The following KCNA2 variants were observed in gnomAD, a reference collection of about 807,000 sequenced individuals.
KCNA2 encodes the protein potassium channel, voltage gated shaker related subfamily A, member 2.
Under a neutral mutation model 33.4 loss-of-function variants are expected in KCNA2, and 11 were observed. The observed-to-expected ratio is 0.33, with a 90% CI of 0.21 to 0.55. KCNA2 has a LOEUF of 0.55. Among genes scored for constraint, KCNA2 ranks in the 20% least tolerant of loss-of-function variants. The pLI, the probability that KCNA2 is intolerant of heterozygous loss-of-function variation, is 0.93. For missense variants in KCNA2, 291 were observed against 621.6 expected (o/e 0.47, Z 5.66); for synonymous variants, 222 against 231.3 (o/e 0.96, Z 0.37).
intron 1 of KCNA2, 68 bp downstream of exon 1, chr1:110,606,160 C>T (rs560752678): frequency 1.3e-5 from 2 of 153,680 alleles, no homozygotes; most frequent in South Asian, 4.2e-4. Context: ...ACACACACTC[C>T]TTCAGAGCGC....
chr1:110,629,879 A>G (rs1198459507), intron 1 of KCNA2, among the ~76,000 whole-genome samples: 1 of 152,248 alleles, frequency 6.6e-6, no homozygotes, highest in East Asian at 1.9e-4. Context: ...CTGAAGAATA[A>G]AAGAAAGAAA....
Position 110,602,494 on chromosome 1 carries a change from A to G in KCNA2, c.*789T>C. 1 of 1,158,910 alleles carries G rather than the reference A, an allele frequency of 8.6e-7. No individual in the cohort carries two copies. Among genetic ancestry groups the G allele is most frequent in the Non-Finnish European group, 1.1e-6 (1 of 939,254 alleles). 71.8% of individuals were successfully genotyped at this position (1,158,910 alleles called of 1,614,324 possible). ...GGGAAAGCAGATGTCTGCAAACTCC[A>G]GTAAGAAACCAGACATGTTTTTGTG... On this transcript the variant is annotated 3_prime_UTR_variant, in exon 3 of 3. Coordinates refer to ENST00000316361, the MANE Select transcript of KCNA2 (RefSeq NM_004974.4).
chr1:110,603,124 G>T lies in KCNA2; in HGVS notation c.*159C>A, dbSNP rs1649429964. The T allele has an allele frequency of 2.1e-6, 3 of 1,436,434 alleles. No homozygotes were observed. The highest frequency in any genetic ancestry group is 2.7e-6 in the Non-Finnish European group (3 of 1,100,270). 89.0% of individuals were successfully genotyped at this position (1,436,434 alleles called of 1,614,324 possible). Reference sequence around the variant, plus strand: ...ATGAAAGCCATGATAGATATTCTGTGTTCTAAATCAAAAGTCAAAAGATCA... The same window carrying T: ...ATGAAAGCCATGATAGATATTCTGTTTTCTAAATCAAAAGTCAAAAGATCA... On this transcript the variant is annotated 3_prime_UTR_variant, in exon 3 of 3. Coordinates refer to ENST00000316361, the MANE Select transcript of KCNA2 (RefSeq NM_004974.4). This position sits in a 1 kb window ranked among gnomAD's most constrained non-coding sequence, Gnocchi z 5.7.
At chr1:110,624,395 TATC>T (rs1650339681) in intron 1 of KCNA2, among the ~76,000 whole-genome samples, 1 of 152,210 alleles carries the variant, frequency 6.6e-6, no homozygotes, top group Non-Finnish European at 1.5e-5. Flanking sequence ...AAGAAACACA[TATC>T]ATATGACTCC....
chr1:110,609,314 A>G (rs1002980749), upstream of KCNA2, among the ~76,000 whole-genome samples: 8 of 152,166 alleles, frequency 5.3e-5, no homozygotes, highest in Non-Finnish European at 1.2e-4. Context: ...AGGAAAATCA[A>G]TCGTCATAAT....
chr1:110,611,605 A>T (rs963611507), intron 1 of KCNA2, among the ~76,000 whole-genome samples: 2 of 152,010 alleles, frequency 1.3e-5, no homozygotes, highest in Non-Finnish European at 2.9e-5. Context: ...ATGTCCCTGT[A>T]GTTCCAGCTA....
At chr1:110,613,690 T>C (rs1260682150) in intron 1 of KCNA2, among the ~76,000 whole-genome samples, 1 of 152,196 alleles carries the variant, frequency 6.6e-6, no homozygotes, top group Admixed American at 6.5e-5. Context: ...TATCAGAGGA[T>C]AGCAGGGCAG....
chr1:110,625,195 CATTAT>C (rs2101467201), intron 1 of KCNA2, among the ~76,000 whole-genome samples: 1 of 152,304 alleles, frequency 6.6e-6, no homozygotes, highest in South Asian at 2.1e-4. Context: ...AGTGTAAATA[CATTAT>C]TTGTAATGGG....
At chr1:110,627,468 G>T (rs1192693949) in intron 1 of KCNA2, among the ~76,000 whole-genome samples, 1 of 152,116 alleles carries the variant, frequency 6.6e-6, no homozygotes, top group Non-Finnish European at 1.5e-5. Flanking sequence ...TGTTTATACG[G>T]ACAACATCAT....
At chr1:110,609,937 G>A (rs1294641428), upstream of KCNA2, among the ~76,000 whole-genome samples, 1 of 152,212 alleles carries the variant, frequency 6.6e-6, no homozygotes, top group African/African-American at 2.4e-5. Context: ...TCGAATGGGA[G>A]AGCAAAGCTA....
At position 110,603,372 on chromosome 1, in the gene KCNA2, C is replaced by T. The variant is rs1454440407; in HGVS notation, c.1411G>A (p.Asp471Asn). The change falls in exon 3 of 3, where the codon GAC becomes AAC. Residue 471 changes from aspartate (D) to asparagine (N), a missense_variant. Coordinates refer to ENST00000316361, the MANE Select transcript of KCNA2 (RefSeq NM_004974.4). The surrounding 1 kb of genome is among the most constrained non-coding windows in gnomAD (Gnocchi z 5.7). The part of the protein sequence containing the change: ...IQEGVNNSNE[D>N]FREENLKTAN... ...GTTTTCAAGTTTTCCTCTCTAAAGT[C>T]CTCATTACTGTTATTTACACCCTCC... is the stretch of plus-strand genomic sequence containing the variant. 2 of 1,614,148 alleles carry T rather than the reference C, an allele frequency of 1.2e-6. No individual in the cohort carries two copies. Among genetic ancestry groups the T allele is most frequent in the South Asian group, 2.2e-5 (2 of 91,080 alleles).
At position 110,601,786 on chromosome 1, in the gene KCNA2, A is replaced by G. The variant is rs1367774627; in HGVS notation, c.*1497T>C. ...TGAACTCCAGAAAATGAATATATAT[A>G]TATATATATGTGTGTGTGTGTGTGT... On this transcript the variant is annotated 3_prime_UTR_variant, in exon 3 of 3. Transcript: ENST00000316361. 6.0e-6 allele frequency: 7 copies of G among 1,160,742 alleles called. No homozygotes were observed. In the East Asian group the frequency reaches 1.2e-4, roughly 20 times the overall value. The allele number at this position is 1,160,742 out of a possible 1,614,324, so 71.9% of individuals were successfully genotyped here. A position where few individuals can be genotyped will look rare whatever the true frequency, so the allele number is the denominator to read the frequency against.
intron 1 of KCNA2, among the ~76,000 whole-genome samples, chr1:110,621,340 C>T (rs1271387729): frequency 6.6e-6 from 1 of 152,100 alleles, no homozygotes; most frequent in Non-Finnish European, 1.5e-5. Flanking sequence ...TAAAAAGCAA[C>T]AACAAGGGGT....
At position 110,596,618 on chromosome 1, in the gene KCNA2, T is replaced by A. The variant is rs1649109450; in HGVS notation, c.*6665A>T. ...GCATTGAGGTTTACAATGTTGACCC[T>A]GAGCAAGGCAAGGTCCCTGTTATCT... On this transcript the variant is annotated 3_prime_UTR_variant, in exon 3 of 3. Coordinates refer to ENST00000316361, the MANE Select transcript of KCNA2 (RefSeq NM_004974.4). 4.0e-6 allele frequency: 2 copies of A among 495,380 alleles called. No homozygotes were observed. Among genetic ancestry groups the A allele is most frequent in the Non-Finnish European group, 5.2e-6 (2 of 382,564 alleles). The allele number at this position is 495,380 out of a possible 1,614,324, so 30.7% of individuals were successfully genotyped here. A position where few individuals can be genotyped will look rare whatever the true frequency, so the allele number is the denominator to read the frequency against.
In KCNA2 at chr1:110,595,489, C is replaced by A. The variant is rs1178598453; in HGVS notation, c.*7794G>T. 23 of 985,348 alleles carry A rather than the reference C, an allele frequency of 2.3e-5. No homozygotes were observed. Among genetic ancestry groups the A allele is most frequent in the South Asian group, 4.7e-5 (1 of 21,288 alleles). The allele number at this position is 985,348 out of a possible 1,614,324, so 61.0% of individuals were successfully genotyped here. ...TGTGGGGAGATGGCAGACACCCCTG[C>A]ACCACTTCAATTGCTCCAGATACAG... On this transcript the variant is annotated 3_prime_UTR_variant, in exon 3 of 3. Transcript: ENST00000316361.
intron 1 of KCNA2, among the ~76,000 whole-genome samples, chr1:110,624,548 A>G (rs751411733): frequency 6.6e-6 from 1 of 152,234 alleles, no homozygotes; most frequent in Non-Finnish European, 1.5e-5. Flanking sequence ...ATATAAATCT[A>G]TAAATTTACC....
At position 110,594,223 on chromosome 1, in the gene KCNA2, C is replaced by A; in HGVS notation, c.*9060G>T. 1.8e-6 allele frequency: 2 copies of A among 1,119,200 alleles called. No individual in the cohort carries two copies. The highest frequency in any genetic ancestry group is 1.6e-5 in the African/African-American group (1 of 60,784). 69.3% of individuals were successfully genotyped at this position (1,119,200 alleles called of 1,614,324 possible). A position where few individuals can be genotyped will look rare whatever the true frequency, so the allele number is the denominator to read the frequency against. On this transcript the variant is annotated 3_prime_UTR_variant, in exon 3 of 3. Transcript: ENST00000316361. ...TGCACAAGCAGCAAGGAAGCCAGTGCAAACCCTAACTGGAGTCTGTGCTGC... is the reference window on the plus strand; with the variant it reads ...TGCACAAGCAGCAAGGAAGCCAGTGAAAACCCTAACTGGAGTCTGTGCTGC...
At chr1:110,611,281 C>T (rs922678195), upstream of KCNA2, among the ~76,000 whole-genome samples, 3 of 152,188 alleles carry the variant, frequency 2.0e-5, no homozygotes, top group South Asian at 2.1e-4. Context: ...CAGCCCACTA[C>T]TTACCTCCAA....
chr1:110,601,756 G>C lies in KCNA2; in HGVS notation c.*1527C>G. The C allele has an allele frequency of 1.7e-6, 2 of 1,191,510 alleles. No individual in the cohort carries two copies. Among genetic ancestry groups the C allele is most frequent in the Non-Finnish European group, 2.1e-6 (2 of 964,932 alleles). The allele number at this position is 1,191,510 out of a possible 1,614,324, so 73.8% of individuals were successfully genotyped here. On this transcript the variant is annotated 3_prime_UTR_variant, in exon 3 of 3. Coordinates refer to ENST00000316361, the MANE Select transcript of KCNA2 (RefSeq NM_004974.4). ...CCCACCAAGCAGTGGATTTGCTCCT[G>C]AACCTGAACTCCAGAAAATGAATAT...
Sources: gnomAD v4.1 joint callset for allele counts (sites outside exome capture counted in the v4.1 genomes callset) on GRCh38, gnomAD v4.1.1 for gene constraint, Gnocchi (gnomAD v3.1) non-coding constraint, MANE v1.5 for transcripts, NCBI Gene and HGNC (gene_info 2026-07-23, HGNC 2026-07-21) for gene names.